The following UST variants were observed in gnomAD, a reference collection of about 807,000 sequenced individuals.
UST encodes chondroitin sulfate 2-O-sulfotransferase.
UST carries 21 observed loss-of-function variants against 45.6 expected under a neutral mutation model. The observed-to-expected ratio is 0.46, with a 90% CI of 0.33 to 0.66. UST has a LOEUF of 0.66. Among genes scored for constraint, UST ranks in the 30% least tolerant of loss-of-function variants. The pLI is 0.02. For missense variants in UST, 463 were observed against 512.4 expected, an observed-to-expected ratio of 0.90 and a Z score of 0.93; for synonymous variants, 215 against 200.6, an observed-to-expected ratio of 1.07 and a Z score of -0.61.
chr6:148,839,154 C>T (rs1029735171), intron 1 of UST, among the ~76,000 whole-genome samples: 3 of 152,176 alleles, frequency 2.0e-5, no homozygotes, highest in Non-Finnish European at 4.4e-5. Flanking sequence ...GCCTCTTGCA[C>T]TCGGCCGCAG....
intron 1 of UST, among the ~76,000 whole-genome samples, chr6:148,822,905 T>A (rs977989415): frequency 1.3e-5 from 2 of 152,224 alleles, no homozygotes; most frequent in African/African-American, 2.4e-5. Context: ...ATAAATTAAA[T>A]AACCTAACCA....
intron 1 of UST, among the ~76,000 whole-genome samples, chr6:148,823,083 T>C (rs1045681585): frequency 5.9e-5 from 9 of 152,140 alleles, no homozygotes; most frequent in African/African-American, 1.9e-4. Context: ...ACCAGAGAGG[T>C]AGAGATAATT....
intron 1 of UST, among the ~76,000 whole-genome samples, chr6:148,883,611 A>C (rs1216414063): frequency 1.3e-5 from 2 of 152,146 alleles, no homozygotes; most frequent in Admixed American, 6.5e-5. Flanking sequence ...GCATTATTCC[A>C]CTTAATCCCA....
chr6:148,820,530 G>T (rs1203453312), intron 1 of UST, among the ~76,000 whole-genome samples: 1 of 152,012 alleles, frequency 6.6e-6, no homozygotes, highest in Non-Finnish European at 1.5e-5. Flanking sequence ...CTCTACTATT[G>T]AATGCATAAA....
At chr6:148,886,770 A>C (rs1489548503) in intron 1 of UST, among the ~76,000 whole-genome samples, 1 of 152,212 alleles carries the variant, frequency 6.6e-6, no homozygotes, top group Non-Finnish European at 1.5e-5. Flanking sequence ...ATACATAACC[A>C]TGTATGTAGA....
intron 1 of UST, among the ~76,000 whole-genome samples, chr6:148,834,040 G>A (rs914526778): frequency 1.3e-5 from 2 of 152,064 alleles, no homozygotes; most frequent in Non-Finnish European, 2.9e-5. Context: ...AAACAATATG[G>A]GTAAGAGTCT....
chr6:148,787,284 G>A (rs576718599), intron 1 of UST, among the ~76,000 whole-genome samples: 9 of 152,240 alleles, frequency 5.9e-5, no homozygotes, highest in African/African-American at 1.4e-4. Context: ...CCTGAATGAC[G>A]TTGCCTAGGT....
chr6:148,951,188 A>T (rs1459073165), intron 3 of UST, among the ~76,000 whole-genome samples: 2 of 152,182 alleles, frequency 1.3e-5, no homozygotes, highest in African/African-American at 4.8e-5. Flanking sequence ...TGGAATTCAC[A>T]TGGCTCAACA....
chr6:148,983,193 A>G (rs904560677), intron 5 of UST, among the ~76,000 whole-genome samples: 1 of 152,232 alleles, frequency 6.6e-6, no homozygotes, highest in African/African-American at 2.4e-5. Flanking sequence ...AGAATGTGCT[A>G]TTCACCAAGA....
chr6:149,001,936 T>C lies in UST; in HGVS notation c.682-17203T>C, dbSNP rs1019011658. On this transcript the variant is annotated intron_variant, in intron 5 of 7. Transcript: ENST00000367463. ...AATATAAGAAAACCAAATTACTTCA[T>C]GCTTTATTAGAAAAAATTTAATCAA... Among the ~76,000 whole-genome samples the C allele has an allele frequency of 1.2e-4, 18 of 152,344 alleles. No individual in the cohort carries two copies. The South Asian group carries it at 2.3e-3, about 19-fold the overall frequency.
chr6:149,002,307 C>T (rs930819358), intron 5 of UST, among the ~76,000 whole-genome samples: 15 of 151,858 alleles, frequency 9.9e-5, no homozygotes, highest in South Asian at 2.1e-4. Flanking sequence ...TTTTAAAAAA[C>T]GCAATGTAAG....
chr6:148,782,168 C>T (rs539531955), intron 1 of UST, among the ~76,000 whole-genome samples: 35 of 152,030 alleles, frequency 2.3e-4, no homozygotes, highest in African/African-American at 8.0e-4. Context: ...AGTGATTCCT[C>T]TGATGGATCT....
At chr6:148,770,417 C>G (rs953165765) in intron 1 of UST, among the ~76,000 whole-genome samples, 1 of 151,076 alleles carries the variant, frequency 6.6e-6, no homozygotes, top group Non-Finnish European at 1.5e-5. Context: ...CGAAGCAGTA[C>G]AGAGTGGCTG....
intron 7 of UST, among the ~76,000 whole-genome samples, chr6:149,042,869 C>G (rs989266791): frequency 9.2e-5 from 14 of 152,134 alleles, no homozygotes; most frequent in African/African-American, 3.1e-4. Flanking sequence ...CTCCTCTTTC[C>G]TTGGTCTCCC....
chr6:148,774,142 ATCTAG>A (rs1336854301), intron 1 of UST, among the ~76,000 whole-genome samples: 13 of 152,290 alleles, frequency 8.5e-5, no homozygotes, highest in Admixed American at 7.8e-4. Flanking sequence ...GGAGGATCTA[ATCTAG>A]TTATCCCCTC....
chr6:148,836,140 G>A (rs1777782591), intron 1 of UST, among the ~76,000 whole-genome samples: 1 of 152,190 alleles, frequency 6.6e-6, no homozygotes, highest in African/African-American at 2.4e-5. Flanking sequence ...CCACACGGGA[G>A]GGTTGGGGGA....
At chr6:148,832,109 A>G (rs1438219417) in intron 1 of UST, among the ~76,000 whole-genome samples, 2 of 152,024 alleles carry the variant, frequency 1.3e-5, no homozygotes, top group African/African-American at 2.4e-5. Context: ...TTCTGCCTCA[A>G]CCTCCTAAGT....
At position 149,044,338 on chromosome 6, in the gene UST, G is replaced by A. The variant is rs144096424; in HGVS notation, c.937+22857G>A. On this transcript the variant is annotated intron_variant, in intron 7 of 7. Coordinates refer to ENST00000367463, the MANE Select transcript of UST (RefSeq NM_005715.3). The stretch of plus-strand genomic sequence containing the variant: ...TCATTTCAAAAAAAAACTCTTGTCA[G>A]TGTCTGACTTCTGTTGACATACAGT... 8.1e-3 allele frequency among the ~76,000 whole-genome samples: 1,239 copies of A among 152,230 alleles called. 21 individuals are homozygous for A. The highest frequency in any genetic ancestry group is 0.028 in the African/African-American group (1,181 of 41,538).
intron 1 of UST, among the ~76,000 whole-genome samples, chr6:148,865,632 T>TC (rs1562281624): frequency 6.6e-6 from 1 of 151,368 alleles, no homozygotes. Flanking sequence ...AGCATCCAGG[T>TC]CCGGCATTGA....
Sources: gnomAD v4.1 joint callset for allele counts (sites outside exome capture counted in the v4.1 genomes callset) on GRCh38, gnomAD v4.1.1 for gene constraint, MANE v1.5 for transcripts, NCBI Gene and HGNC (gene_info 2026-07-23, HGNC 2026-07-21) for gene names.